DNMT3A: variants seen among roughly 807,000 people sequenced by gnomAD.
DNMT3A encodes the protein DNA methyltransferase 3 alpha, also known as DNA (cytosine-5)-methyltransferase 3A.
In DNMT3A, 267 loss-of-function variants were observed where a neutral mutation model predicts 117.6. The observed-to-expected ratio is 2.27, with a 90% confidence interval of 2.05 to 2.51. The LOEUF is 2.51. Ranked by LOEUF, DNMT3A falls within the 30% of genes most tolerant of loss-of-function variation. DNMT3A has a pLI of 0.00. For synonymous variants in DNMT3A, 432 were observed against 474.8 expected (o/e 0.91, Z 1.17); for missense variants, 1,029 against 1,260.2 (o/e 0.82, Z 2.78).
chr2:25,294,296 G>T lies in DNMT3A; in HGVS notation c.177+5843C>A, dbSNP rs564388216. 6.6e-6 allele frequency among the ~76,000 whole-genome samples: 1 copy of T among 152,176 alleles called. No homozygotes were observed. Among genetic ancestry groups the T allele is most frequent in the Non-Finnish European group, 1.5e-5 (1 of 68,028 alleles). On this transcript the variant is annotated intron_variant, in intron 3 of 22. Transcript: ENST00000321117. This position sits in a 1 kb window ranked among gnomAD's most constrained non-coding sequence, Gnocchi z 4.7. Reference sequence around the variant, plus strand: ...TCCAGTAGCGGGCGTTGATTTCACCGCTCAGGTCGGGGAGTGGGTGGGTGG... The same window carrying T: ...TCCAGTAGCGGGCGTTGATTTCACCTCTCAGGTCGGGGAGTGGGTGGGTGG...
intron 3 of DNMT3A, among the ~76,000 whole-genome samples, chr2:25,283,421 T>C (rs1251502904): frequency 1.4e-5 from 2 of 139,168 alleles, no homozygotes; most frequent in Non-Finnish European, 3.1e-5. Flanking sequence ...GACCCCCCTC[T>C]CCCTTAGAAG....
rs141473447 is a variant in DNMT3A, at chr2:25,238,907, A to G, written c.2408+223T>C. On this transcript the variant is annotated intron_variant, in intron 20 of 22. Coordinates refer to ENST00000321117, the MANE Select transcript of DNMT3A (RefSeq NM_022552.5). ...CTTTGGTATAAAGAGAGTACTTTTA[A>G]AGGTCCTGCTTTAAGACCACTAGTT... Among the ~76,000 whole-genome samples, 1,165 of 152,338 alleles carry G rather than the reference A, an allele frequency of 7.6e-3. 4 individuals carry two copies. Among genetic ancestry groups the G allele is most frequent in the Non-Finnish European group, 0.012 (784 of 68,014 alleles).
chr2:25,327,747 T>TG lies in DNMT3A; in HGVS notation c.-177-13587dup, dbSNP rs1408612777. Among the ~76,000 whole-genome samples the TG allele has an allele frequency of 3.3e-5, 5 of 152,338 alleles. No individual in the cohort carries two copies. Among genetic ancestry groups the TG allele is most frequent in the African/African-American group, 1.2e-4 (5 of 41,560 alleles). ...TTATTTTCATCCCAACTGGATGACTTGCAGTCCCTAAAATCCTACTCTTCC... is the reference window on the plus strand; with the variant it reads ...TTATTTTCATCCCAACTGGATGACTTGGCAGTCCCTAAAATCCTACTCTTCC... On this transcript the variant is annotated intron_variant, in intron 1 of 22. Transcript: ENST00000321117. The surrounding 1 kb of genome is among the most constrained non-coding windows in gnomAD (Gnocchi z 4.1).
intron 1 of DNMT3A, among the ~76,000 whole-genome samples, chr2:25,317,366 G>C (rs1181666171): frequency 6.6e-6 from 1 of 151,898 alleles, no homozygotes; most frequent in Non-Finnish European, 1.5e-5. Flanking sequence ...CTGGCCAAAA[G>C]ATTTTTTAAG....
chr2:25,257,958 G>A lies in DNMT3A; in HGVS notation c.640-9706C>T, dbSNP rs1167443353. On this transcript the variant is annotated intron_variant, in intron 6 of 22. Transcript: ENST00000321117. The surrounding 1 kb of genome is among the most constrained non-coding windows in gnomAD (Gnocchi z 4.8). ...GAGAAGTGGTCTGGAGAGAGGAGGG[G>A]AAGCAGAAGGAGATGGAGGTCAGCT... is the stretch of plus-strand genomic sequence containing the variant. Among the ~76,000 whole-genome samples, 1 of 152,236 alleles carries A rather than the reference G, an allele frequency of 6.6e-6. No homozygotes were observed. Among genetic ancestry groups the A allele is most frequent in the African/African-American group, 2.4e-5 (1 of 41,460 alleles).
chr2:25,279,681 T>TG lies in DNMT3A; in HGVS notation c.448+2759dup, dbSNP rs1480378742. 1.6e-3 allele frequency among the ~76,000 whole-genome samples: 236 copies of TG among 148,804 alleles called. 1 individual carries two copies. The highest frequency in any genetic ancestry group is 5.1e-3 in the African/African-American group (205 of 40,156). On this transcript the variant is annotated intron_variant, in intron 4 of 22. Transcript: ENST00000321117. The stretch of plus-strand genomic sequence containing the variant: ...ACAGGAGTGTACCAAGGCCAAAGTT[T>TG]GTTTTTTTTTTTTGTATTTTTTTGA...
intron 1 of DNMT3A, chr2:25,314,378 C>T (rs2034280082): frequency 1.0e-6 from 1 of 985,222 alleles, no homozygotes; most frequent in Admixed American, 6.1e-5. Flanking sequence ...CAGCAGTCTC[C>T]CCTCCGTGTC....
Position 25,273,438 on chromosome 2 carries a change from G to A in DNMT3A, c.639+1503C>T, listed in dbSNP as rs116130577. 4.7e-3 allele frequency among the ~76,000 whole-genome samples: 709 copies of A among 152,268 alleles called. 6 individuals carry two copies. Among genetic ancestry groups the A allele is most frequent in the African/African-American group, 0.017 (686 of 41,548 alleles). ...TCTCTAGAGAAAGCTCTCACACAAA[G>A]GCGAACAGACAAACAGGGCCGCCTT... On this transcript the variant is annotated intron_variant, in intron 6 of 22. Transcript: ENST00000321117.
chr2:25,254,862 A>G lies in DNMT3A; in HGVS notation c.640-6610T>C, dbSNP rs1156369384. On this transcript the variant is annotated intron_variant, in intron 6 of 22. Coordinates refer to ENST00000321117, the MANE Select transcript of DNMT3A (RefSeq NM_022552.5). This position sits in a 1 kb window ranked among gnomAD's most constrained non-coding sequence, Gnocchi z 4.7. ...GGTCTTGGGACATAAGACTGCAATG[A>G]TGCCGTGCGTGCAGCAAGGACTCAA... Among the ~76,000 whole-genome samples, 1 of 152,238 alleles carries G rather than the reference A, an allele frequency of 6.6e-6. No homozygotes were observed. Among genetic ancestry groups the G allele is most frequent in the African/African-American group, 2.4e-5 (1 of 41,450 alleles).
chr2:25,283,510 G>A (rs2032053883), intron 3 of DNMT3A, among the ~76,000 whole-genome samples: 1 of 152,058 alleles, frequency 6.6e-6, no homozygotes, highest in African/African-American at 2.4e-5. Context: ...CTTTCCTCTT[G>A]GTCTCTTGAG....
At position 25,244,321 on chromosome 2, in the gene DNMT3A, C is replaced by T. The variant is rs1218552501; in HGVS notation, c.1685G>A (p.Cys562Tyr). ...CCCCGGCCCCACCAAGAGGTCCACA[C>T]ACTCCACGCAAAAGCACCTGGAAGG... The part of the protein sequence containing the change: ...NNCCRCFCVE[C>Y]VDLLVGPGAA... The change falls in exon 15 of 23, where the codon TGT (cysteine) becomes TAT (tyrosine). Residue 562 changes from cysteine (C) to tyrosine (Y), a missense_variant. Coordinates refer to ENST00000321117, the MANE Select transcript of DNMT3A (RefSeq NM_022552.5). 4.4e-6 allele frequency: 7 copies of T among 1,608,112 alleles called. No homozygotes were observed. The highest frequency in any genetic ancestry group is 1.3e-5 in the African/African-American group (1 of 74,806).
At position 25,246,286 on chromosome 2, in the gene DNMT3A, CTT is replaced by C; in HGVS notation, c.1301_1302del (p.Glu434GlyfsTer10). ...PPEEEKNPYK[E>X]VYTDMWVEPE... The stretch of plus-strand genomic sequence containing the variant: ...GGTTCCACCCACATGTCCGTGTACA[CTT>C]CTTTGTAGGGATTCTTCTCTTCTGG... On this transcript the variant is annotated frameshift_variant, in exon 11 of 23. Coordinates refer to ENST00000321117, the MANE Select transcript of DNMT3A (RefSeq NM_022552.5). LOFTEE classifies it high-confidence loss of function. The C allele has an allele frequency of 6.2e-7, 1 of 1,611,870 alleles. No homozygotes were observed. The highest frequency in any genetic ancestry group is 8.5e-7 in the Non-Finnish European group (1 of 1,179,014).
chr2:25,328,217 A>G (rs1455143127), intron 1 of DNMT3A, among the ~76,000 whole-genome samples: 1 of 152,216 alleles, frequency 6.6e-6, no homozygotes, highest in East Asian at 1.9e-4. Flanking sequence ...TATTATTTTT[A>G]AAAATCCGGT....
At chr2:25,334,259 G>A (rs888397700) in intron 1 of DNMT3A, among the ~76,000 whole-genome samples, 2 of 152,188 alleles carry the variant, frequency 1.3e-5, no homozygotes, top group African/African-American at 4.8e-5. Flanking sequence ...GACGACTGCA[G>A]ACAGAGGAAC....
chr2:25,253,876 G>A (rs181457872), intron 6 of DNMT3A, among the ~76,000 whole-genome samples: 2,370 of 152,118 alleles, frequency 0.016, 32 homozygotes, highest in Non-Finnish European at 0.023. Flanking sequence ...GTTTGAGACC[G>A]GCCTGACTAA....
At chr2:25,279,758 C>T (rs1352801801) in intron 4 of DNMT3A, among the ~76,000 whole-genome samples, 2 of 151,948 alleles carry the variant, frequency 1.3e-5, no homozygotes, top group Non-Finnish European at 2.9e-5. Context: ...ACAATCTTGG[C>T]TTACTGCAAC....
At chr2:25,334,456 T>C (rs573408713) in intron 1 of DNMT3A, among the ~76,000 whole-genome samples, 1 of 152,306 alleles carries the variant, frequency 6.6e-6, no homozygotes. Flanking sequence ...AGGCTCTCAC[T>C]ATGCCAGGGC....
chr2:25,289,389 C>T (rs1380500346), intron 3 of DNMT3A, among the ~76,000 whole-genome samples: 3 of 152,172 alleles, frequency 2.0e-5, no homozygotes, highest in African/African-American at 7.2e-5. Context: ...CGTGAGCCAC[C>T]GCACCCGGCC....
chr2:25,251,090 G>T (rs938938237), intron 6 of DNMT3A, among the ~76,000 whole-genome samples: 1 of 151,666 alleles, frequency 6.6e-6, no homozygotes, highest in Admixed American at 6.6e-5. Context: ...GCCCGGTAAG[G>T]GCTGGCGGAG....
Sources: gnomAD v4.1 joint callset for allele counts (sites outside exome capture counted in the v4.1 genomes callset) on GRCh38, gnomAD v4.1.1 for gene constraint, Gnocchi (gnomAD v3.1) non-coding constraint, MANE v1.5 for transcripts, NCBI Gene and HGNC (gene_info 2026-07-23, HGNC 2026-07-21) for gene names.